Variants in POFUT3 observed in about 807,000 individuals in gnomAD.
POFUT3 encodes GDP-fucose protein O-fucosyltransferase 3.
the POFUT3 span, chr8:33,372,567 A>G: frequency 6.2e-6 from 10 of 1,611,552 alleles, no homozygotes; most frequent in South Asian, 1.1e-5. Flanking sequence ...CATTCTGATC[A>G]TTTTTGAAAT....
chr8:33,404,202 G>A, the POFUT3 span, among the ~76,000 whole-genome samples: 83 of 152,220 alleles, frequency 5.5e-4, 1 homozygote, highest in East Asian at 4.4e-3. Context: ...CTCAGGTGTG[G>A]TGGTGCATGC....
the POFUT3 span, among the ~76,000 whole-genome samples, chr8:33,381,644 G>C: frequency 6.6e-6 from 1 of 152,184 alleles, no homozygotes; most frequent in Non-Finnish European, 1.5e-5. Context: ...AAAATGAAGA[G>C]AGTGCACTTA....
chr8:33,385,980 G>C, the POFUT3 span, among the ~76,000 whole-genome samples: 30 of 152,092 alleles, frequency 2.0e-4, no homozygotes, highest in African/African-American at 6.5e-4. Context: ...CTGAGGTCAG[G>C]AGTTCGAGAT....
chr8:33,364,104 G>T, the POFUT3 span, among the ~76,000 whole-genome samples: 2 of 152,162 alleles, frequency 1.3e-5, no homozygotes, highest in South Asian at 4.1e-4. Flanking sequence ...TGGGATGCTA[G>T]GCTGGTTCAA....
At chr8:33,311,674 A>T in the POFUT3 span, among the ~76,000 whole-genome samples, 1 of 152,186 alleles carries the variant, frequency 6.6e-6, no homozygotes, top group East Asian at 1.9e-4. Flanking sequence ...CTGAACATGG[A>T]ATAGAGGCAG....
At chr8:33,365,791 C>A in the POFUT3 span, among the ~76,000 whole-genome samples, 1 of 152,184 alleles carries the variant, frequency 6.6e-6, no homozygotes. Context: ...AATAGGAATG[C>A]TTTTACACTG....
chr8:33,461,168 G>A, the POFUT3 span, among the ~76,000 whole-genome samples: 1 of 109,458 alleles, frequency 9.1e-6, no homozygotes, highest in African/African-American at 3.8e-5. Flanking sequence ...GAGTGGTACT[G>A]TGTCGGAAGG....
the POFUT3 span, among the ~76,000 whole-genome samples, chr8:33,397,713 T>C: frequency 3.3e-5 from 5 of 152,328 alleles, no homozygotes; most frequent in Non-Finnish European, 7.3e-5. Flanking sequence ...CACATACAGA[T>C]GTATCACACT....
the POFUT3 span, among the ~76,000 whole-genome samples, chr8:33,385,709 C>T: frequency 1.3e-5 from 2 of 148,836 alleles, no homozygotes; most frequent in African/African-American, 5.0e-5. Context: ...TGGTGAAACC[C>T]CATCTGTACT....
At chr8:33,400,256 A>G in the POFUT3 span, among the ~76,000 whole-genome samples, 2 of 151,634 alleles carry the variant, frequency 1.3e-5, no homozygotes, top group Admixed American at 6.6e-5. Flanking sequence ...ATTCGAGACC[A>G]GCCTGGCCAA....
At chr8:33,443,399 C>T in the POFUT3 span, among the ~76,000 whole-genome samples, 1 of 152,218 alleles carries the variant, frequency 6.6e-6, no homozygotes, top group Non-Finnish European at 1.5e-5. Flanking sequence ...GGCCAGAGCT[C>T]ACTGCTCCAA....
chr8:33,464,259 A>G, the POFUT3 span, among the ~76,000 whole-genome samples: 4 of 152,244 alleles, frequency 2.6e-5, no homozygotes, highest in Non-Finnish European at 5.9e-5. Flanking sequence ...TGGAACGTTA[A>G]AAGGAAAAAT....
At chr8:33,426,136 C>G in the POFUT3 span, among the ~76,000 whole-genome samples, 4 of 151,912 alleles carry the variant, frequency 2.6e-5, no homozygotes, top group Non-Finnish European at 5.9e-5. Flanking sequence ...AACTCCTGGC[C>G]TCATGTGATC....
chr8:33,311,532 C>A, the POFUT3 span, among the ~76,000 whole-genome samples: 1 of 152,178 alleles, frequency 6.6e-6, no homozygotes, highest in Non-Finnish European at 1.5e-5. Flanking sequence ...AGAATCCTTC[C>A]TCTAGAGCGC....
the POFUT3 span, chr8:33,389,540 G>T: frequency 6.2e-7 from 1 of 1,614,180 alleles, no homozygotes; most frequent in Non-Finnish European, 8.5e-7. Context: ...CACCAGCGGA[G>T]CAAGTCTTTT....
the POFUT3 span, among the ~76,000 whole-genome samples, chr8:33,342,534 C>T: frequency 6.7e-6 from 1 of 150,298 alleles, no homozygotes; most frequent in African/African-American, 2.4e-5. Flanking sequence ...AGAAGATATA[C>T]AGACAGCATA....
chr8:33,353,020 G>A, the POFUT3 span, among the ~76,000 whole-genome samples: 2 of 152,192 alleles, frequency 1.3e-5, no homozygotes, highest in African/African-American at 4.8e-5. Context: ...GAAGCAGCAT[G>A]CCCATAAGAG....
chr8:33,359,265 A>G, the POFUT3 span, among the ~76,000 whole-genome samples: 1 of 152,218 alleles, frequency 6.6e-6, no homozygotes, highest in African/African-American at 2.4e-5. Context: ...AACTTCTTCA[A>G]AAAAAGATGT....
At chr8:33,361,708 T>C in the POFUT3 span, among the ~76,000 whole-genome samples, 3 of 152,174 alleles carry the variant, frequency 2.0e-5, no homozygotes, top group Non-Finnish European at 4.4e-5. Flanking sequence ...TAAAAATATA[T>C]AGAATACGTT....
Sources: gnomAD v4.1 joint callset for allele counts (sites outside exome capture counted in the v4.1 genomes callset) on GRCh38, gnomAD v4.1.1 for gene constraint, MANE v1.5 for transcripts, NCBI Gene and HGNC (gene_info 2026-07-23, HGNC 2026-07-21) for gene names.